GRM7: variants seen among roughly 807,000 people sequenced by gnomAD.
GRM7 encodes metabotropic glutamate receptor 7.
In GRM7, 35 loss-of-function variants were observed where a neutral mutation model predicts 84.5. The observed-to-expected ratio is 0.41, with a 90% CI of 0.32 to 0.55. GRM7 has a LOEUF of 0.55. GRM7 is among the 20% of genes least tolerant of loss of function. GRM7 has a pLI of 0.19. For synonymous variants in GRM7, 487 were observed against 455.1 expected, an observed-to-expected ratio of 1.07 and a Z score of -0.89; for missense variants, 1,003 against 1,194.6, an observed-to-expected ratio of 0.84 and a Z score of 2.36.
At position 7,722,096 on chromosome 3, in the gene GRM7, C is replaced by T. The variant is rs144158040; in HGVS notation, c.2699-18261C>T. The stretch of plus-strand genomic sequence containing the variant: ...TGGCACCCTAACAGTGTCAAAAAAC[C>T]AAACAACGAATTTAGTTTCATTTTA... On this transcript the variant is annotated intron_variant, in intron 9 of 9. Transcript: ENST00000357716. Among the ~76,000 whole-genome samples the T allele has an allele frequency of 3.5e-4, 53 of 152,312 alleles. 2 individuals are homozygous for T. The East Asian group carries it at 0.01, about 29-fold the overall frequency.
chr3:7,303,039 C>T (rs1700062906), intron 3 of GRM7, among the ~76,000 whole-genome samples: 1 of 149,524 alleles, frequency 6.7e-6, no homozygotes, highest in African/African-American at 2.5e-5. Flanking sequence ...CTCCCGGGTT[C>T]ATGCCATTCT....
At chr3:7,083,800 G>A (rs926958694) in intron 1 of GRM7, among the ~76,000 whole-genome samples, 3 of 152,062 alleles carry the variant, frequency 2.0e-5, no homozygotes, top group Non-Finnish European at 4.4e-5. Flanking sequence ...GTGCTACGAC[G>A]AAAATCAAAG....
chr3:6,962,742 A>G (rs1199288345), intron 1 of GRM7, among the ~76,000 whole-genome samples: 2 of 152,214 alleles, frequency 1.3e-5, no homozygotes, highest in East Asian at 3.8e-4. Flanking sequence ...TCTTAACTAC[A>G]ATGCTACATT....
At chr3:7,370,919 C>T (rs894867527) in intron 4 of GRM7, among the ~76,000 whole-genome samples, 3 of 152,146 alleles carry the variant, frequency 2.0e-5, no homozygotes, top group South Asian at 2.1e-4. Flanking sequence ...ATTCAGGATT[C>T]AGTAAATTAA....
intron 1 of GRM7, among the ~76,000 whole-genome samples, chr3:6,926,022 G>A (rs184817807): frequency 3.9e-5 from 6 of 152,068 alleles, no homozygotes; most frequent in African/African-American, 7.2e-5. Flanking sequence ...CTGGGATTTC[G>A]TGCTTCAAAT....
chr3:7,434,389 T>C (rs1284960858), intron 5 of GRM7, among the ~76,000 whole-genome samples: 3 of 152,174 alleles, frequency 2.0e-5, no homozygotes, highest in African/African-American at 4.8e-5. Flanking sequence ...TAAATCAGTC[T>C]GGCATCGGTG....
chr3:7,412,349 G>A (rs1322994305), intron 4 of GRM7, among the ~76,000 whole-genome samples: 1 of 152,076 alleles, frequency 6.6e-6, no homozygotes, highest in Non-Finnish European at 1.5e-5. Flanking sequence ...ATCAATATCT[G>A]TTAGCTCCCA....
At chr3:7,296,837 T>C (rs978962738) in intron 2 of GRM7, among the ~76,000 whole-genome samples, 2 of 150,950 alleles carry the variant, frequency 1.3e-5, no homozygotes, top group Admixed American at 1.3e-4. Context: ...AAAAAAAAGC[T>C]GGGATCTTGC....
At position 6,862,486 on chromosome 3, in the gene GRM7, C is replaced by T. The variant is rs1286134475; in HGVS notation, c.519+579C>T. ...GCTGATTTCCCGACCTGTAGCCAGCCTCCGCGAGAGCCCAGGGCGCGAGGT... is the reference window on the plus strand; with the variant it reads ...GCTGATTTCCCGACCTGTAGCCAGCTTCCGCGAGAGCCCAGGGCGCGAGGT... On this transcript the variant is annotated intron_variant, in intron 1 of 9. Coordinates refer to ENST00000357716, the MANE Select transcript of GRM7 (RefSeq NM_000844.4). This position sits in a 1 kb window ranked among gnomAD's most constrained non-coding sequence, Gnocchi z 5.2. Among the ~76,000 whole-genome samples, 1 of 152,172 alleles carries T rather than the reference C, an allele frequency of 6.6e-6. No homozygotes were observed. The highest frequency in any genetic ancestry group is 1.5e-5 in the Non-Finnish European group (1 of 68,032).
intron 8 of GRM7, among the ~76,000 whole-genome samples, chr3:7,600,658 C>A (rs139149284): frequency 4.9e-4 from 75 of 152,224 alleles, no homozygotes; most frequent in African/African-American, 1.7e-3. Context: ...ACAGTTCTTC[C>A]TTAATGTATG....
At chr3:7,683,634 T>C (rs959097049) in intron 9 of GRM7, among the ~76,000 whole-genome samples, 3 of 152,350 alleles carry the variant, frequency 2.0e-5, no homozygotes, top group Admixed American at 1.3e-4. Flanking sequence ...CTTTCTGCAG[T>C]GACGATCATG....
intron 9 of GRM7, among the ~76,000 whole-genome samples, chr3:7,688,960 C>T (rs1293643543): frequency 6.6e-6 from 1 of 152,162 alleles, no homozygotes; most frequent in Non-Finnish European, 1.5e-5. Flanking sequence ...TCAGCAGAAT[C>T]AATACTTTCT....
At chr3:7,280,662 A>G (rs1190965077) in intron 2 of GRM7, among the ~76,000 whole-genome samples, 1 of 152,246 alleles carries the variant, frequency 6.6e-6, no homozygotes, top group African/African-American at 2.4e-5. Flanking sequence ...ACAAGCTCAG[A>G]AAAGTGTTTG....
intron 2 of GRM7, among the ~76,000 whole-genome samples, chr3:7,193,017 C>T (rs560448679): frequency 5.9e-5 from 9 of 152,230 alleles, no homozygotes; most frequent in African/African-American, 2.2e-4. Context: ...TTATCTTTGG[C>T]CTTCATTTCT....
At chr3:7,144,701 A>C (rs1694053455) in intron 1 of GRM7, among the ~76,000 whole-genome samples, 1 of 152,230 alleles carries the variant, frequency 6.6e-6, no homozygotes. Context: ...CAACTCATTC[A>C]AGTGAAATAG....
chr3:6,934,604 G>T (rs7637939), intron 1 of GRM7, among the ~76,000 whole-genome samples: 1 of 152,000 alleles, frequency 6.6e-6, no homozygotes, highest in South Asian at 2.1e-4. Context: ...GAAGAGATTT[G>T]ACAGACCATG....
At chr3:7,180,498 C>T (rs189391317) in intron 2 of GRM7, among the ~76,000 whole-genome samples, 11 of 152,180 alleles carry the variant, frequency 7.2e-5, no homozygotes, top group Admixed American at 1.3e-4. Context: ...TAATATCCCC[C>T]GGCAACTGCA....
chr3:6,943,172 C>T (rs1697948270), intron 1 of GRM7, among the ~76,000 whole-genome samples: 1 of 151,666 alleles, frequency 6.6e-6, no homozygotes, highest in South Asian at 2.1e-4. Context: ...TTTTTGTTTT[C>T]TTACCAGAGT....
At chr3:7,582,023 A>G (rs938749696) in intron 8 of GRM7, among the ~76,000 whole-genome samples, 1 of 152,200 alleles carries the variant, frequency 6.6e-6, no homozygotes, top group Non-Finnish European at 1.5e-5. Context: ...CTTTAACCAC[A>G]AGAGAATGAT....
Sources: gnomAD v4.1 joint callset for allele counts (sites outside exome capture counted in the v4.1 genomes callset) on GRCh38, gnomAD v4.1.1 for gene constraint, Gnocchi (gnomAD v3.1) non-coding constraint, MANE v1.5 for transcripts, NCBI Gene and HGNC (gene_info 2026-07-23, HGNC 2026-07-21) for gene names.